The following CACNA2D1 variants were observed in gnomAD, a reference collection of about 807,000 sequenced individuals.
CACNA2D1 encodes the protein voltage-dependent calcium channel subunit alpha-2/delta-1.
CACNA2D1 carries 53 observed loss-of-function variants against 171.5 expected under a neutral mutation model. The ratio of observed to expected loss-of-function variants is 0.31; its 90% CI spans 0.25 to 0.39. The LOEUF is 0.39. Ranked by LOEUF, CACNA2D1 falls within the 10% of genes least tolerant of loss-of-function variation. CACNA2D1 has a pLI of 1.00. For missense variants in CACNA2D1, 903 were observed against 1,299.8 expected (o/e 0.69, Z 4.69); for synonymous variants, 442 against 443.1 (o/e 1.00, Z 0.03).
intron 4 of CACNA2D1, among the ~76,000 whole-genome samples, chr7:82,144,538 G>T (rs1020676722): frequency 3.3e-5 from 5 of 151,876 alleles, no homozygotes; most frequent in Non-Finnish European, 5.9e-5. Context: ...GTTCTGGCAT[G>T]AAATATTTTT....
At chr7:82,057,209 A>G (rs559117369) in intron 10 of CACNA2D1, among the ~76,000 whole-genome samples, 26 of 152,332 alleles carry the variant, frequency 1.7e-4, no homozygotes, top group Non-Finnish European at 2.9e-4. Flanking sequence ...AAAATTGGTC[A>G]TAGTGGGAAT....
At chr7:82,313,918 C>A (rs1814779736) in intron 3 of CACNA2D1, among the ~76,000 whole-genome samples, 1 of 152,022 alleles carries the variant, frequency 6.6e-6, no homozygotes, top group African/African-American at 2.4e-5. Context: ...CCAAAATCAG[C>A]ACTAAAAAAT....
At chr7:82,161,335 T>C (rs1217209964) in intron 4 of CACNA2D1, among the ~76,000 whole-genome samples, 8 of 152,050 alleles carry the variant, frequency 5.3e-5, no homozygotes, top group African/African-American at 1.4e-4. Flanking sequence ...TGGGGTAGCA[T>C]GTACTGAACC....
At chr7:82,271,414 T>C (rs1808620711) in intron 3 of CACNA2D1, among the ~76,000 whole-genome samples, 1 of 152,146 alleles carries the variant, frequency 6.6e-6, no homozygotes, top group African/African-American at 2.4e-5. Flanking sequence ...TCTAAATATA[T>C]AGTTATTTCA....
chr7:82,055,941 T>TAC (rs1265524699), intron 10 of CACNA2D1, among the ~76,000 whole-genome samples: 1 of 130,612 alleles, frequency 7.7e-6, no homozygotes, highest in African/African-American at 2.9e-5. Context: ...TATATATATA[T>TAC]ATATATAATT....
chr7:82,287,958 G>A (rs908172379), intron 3 of CACNA2D1, among the ~76,000 whole-genome samples: 1 of 150,826 alleles, frequency 6.6e-6, no homozygotes, highest in Admixed American at 6.6e-5. Context: ...AGCCTCCCGA[G>A]TAGCTGGCAC....
At chr7:81,951,361 T>C (rs1792497100) in intron 38 of CACNA2D1, among the ~76,000 whole-genome samples, 1 of 152,118 alleles carries the variant, frequency 6.6e-6, no homozygotes, top group Admixed American at 6.6e-5. Flanking sequence ...TTTTAAATTT[T>C]ATTTCAATAG....
At chr7:82,276,903 C>G (rs2129362584) in intron 3 of CACNA2D1, among the ~76,000 whole-genome samples, 1 of 152,020 alleles carries the variant, frequency 6.6e-6, no homozygotes, top group Non-Finnish European at 1.5e-5. Flanking sequence ...CAACCACCAC[C>G]ATAACCAGCT....
intron 1 of CACNA2D1, among the ~76,000 whole-genome samples, chr7:82,371,583 TA>T: frequency 6.6e-6 from 1 of 151,706 alleles, no homozygotes; most frequent in Non-Finnish European, 1.5e-5. Context: ...TTTATTTTAT[TA>T]TTATTATTAT....
intron 3 of CACNA2D1, among the ~76,000 whole-genome samples, chr7:82,303,155 A>G (rs187417002): frequency 0.017 from 2,637 of 152,118 alleles, 126 homozygotes; most frequent in East Asian, 0.16. Context: ...CACCATGCCC[A>G]GCTAATTTTG....
intron 5 of CACNA2D1, among the ~76,000 whole-genome samples, chr7:82,134,943 A>G (rs115570975): frequency 0.024 from 3,667 of 152,270 alleles, 136 homozygotes; most frequent in African/African-American, 0.083. Flanking sequence ...AAAAAGTCAT[A>G]TTGACAATTT....
At chr7:82,231,371 T>C (rs1304651320) in intron 3 of CACNA2D1, among the ~76,000 whole-genome samples, 9 of 152,168 alleles carry the variant, frequency 5.9e-5, no homozygotes, top group African/African-American at 1.9e-4. Flanking sequence ...GGAAACACAG[T>C]TGGGCCACTG....
intron 1 of CACNA2D1, among the ~76,000 whole-genome samples, chr7:82,364,537 T>C (rs1821464134): frequency 6.6e-6 from 1 of 152,194 alleles, no homozygotes; most frequent in Admixed American, 6.5e-5. Flanking sequence ...AATGAGAAAT[T>C]AATCTGGTTT....
intron 1 of CACNA2D1, among the ~76,000 whole-genome samples, chr7:82,363,774 A>T (rs897006625): frequency 6.6e-6 from 1 of 152,198 alleles, no homozygotes; most frequent in Non-Finnish European, 1.5e-5. Context: ...GCAGCACTAG[A>T]CATACTAAAT....
rs186408198 is a variant in CACNA2D1, at chr7:82,439,678, G to A, written c.95+3687C>T. On this transcript the variant is annotated intron_variant, in intron 1 of 38. Transcript: ENST00000356860. ...TCCAAATAGCTACACATATAGCTAT[G>A]TGTAACATTAATAAATTTAACATAA... Among the ~76,000 whole-genome samples, 4 of 150,922 alleles carry A rather than the reference G, an allele frequency of 2.7e-5. No homozygotes were observed. In the East Asian group the frequency reaches 5.8e-4, roughly 22 times the overall value.
At chr7:82,158,104 C>G (rs1039196658) in intron 4 of CACNA2D1, among the ~76,000 whole-genome samples, 5 of 151,740 alleles carry the variant, frequency 3.3e-5, no homozygotes, top group African/African-American at 1.2e-4. Flanking sequence ...TTTTGATAAA[C>G]TGGATATTTA....
chr7:82,260,822 A>G (rs762394065), intron 3 of CACNA2D1, among the ~76,000 whole-genome samples: 2 of 152,196 alleles, frequency 1.3e-5, no homozygotes, highest in Admixed American at 6.5e-5. Context: ...ATTATAATGA[A>G]CTAGACTCAA....
intron 3 of CACNA2D1, among the ~76,000 whole-genome samples, chr7:82,209,474 G>C (rs1800339326): frequency 1.3e-5 from 2 of 152,170 alleles, no homozygotes; most frequent in African/African-American, 4.8e-5. Flanking sequence ...TGAGTGATAG[G>C]TGAACCGAAG....
chr7:82,049,866 C>T (rs752766487), intron 10 of CACNA2D1, among the ~76,000 whole-genome samples: 1 of 152,160 alleles, frequency 6.6e-6, no homozygotes, highest in Admixed American at 6.5e-5. Context: ...AGAAATTATT[C>T]TCTTAGATTT....
Sources: allele counts gnomAD v4.1 joint callset (sites outside exome capture counted in the v4.1 genomes callset), GRCh38; gene constraint gnomAD v4.1.1; transcripts MANE v1.5; gene names NCBI Gene and HGNC (gene_info 2026-07-23, HGNC 2026-07-21).